RNF220: variants seen among roughly 807,000 people sequenced by gnomAD.
RNF220 encodes E3 ubiquitin-protein ligase RNF220.
RNF220 carries 7 observed loss-of-function variants against 67.1 expected under a neutral mutation model. The observed-to-expected ratio is 0.10, with a 90% CI of 0.06 to 0.20. The LOEUF (loss-of-function observed/expected upper bound fraction) is 0.20. Ranked by LOEUF, RNF220 falls within the 10% of genes least tolerant of loss-of-function variation. The pLI is 1.00. For synonymous variants in RNF220, 270 were observed against 283.2 expected, an observed-to-expected ratio of 0.95 and a Z score of 0.47; for missense variants, 565 against 740.3, an observed-to-expected ratio of 0.76 and a Z score of 2.75.
intron 5 of RNF220, chr1:44,632,008 C>T (rs1295400443): frequency 2.0e-6 from 2 of 1,024,758 alleles, no homozygotes; most frequent in African/African-American, 1.7e-5. Context: ...AGCTGAAGTG[C>T]CGCCGCCGCC....
At chr1:44,504,412 G>C (rs1271394817) in intron 2 of RNF220, among the ~76,000 whole-genome samples, 1 of 152,168 alleles carries the variant, frequency 6.6e-6, no homozygotes, top group Non-Finnish European at 1.5e-5. Flanking sequence ...TGGGATGTCT[G>C]GGCCCTGACC....
intron 2 of RNF220, among the ~76,000 whole-genome samples, chr1:44,456,611 T>G (rs1170660763): frequency 6.6e-6 from 1 of 152,144 alleles, no homozygotes; most frequent in Non-Finnish European, 1.5e-5. Flanking sequence ...TAGGAGCACA[T>G]GGGGTCAAGG....
intron 1 of RNF220, among the ~76,000 whole-genome samples, chr1:44,406,114 C>G (rs890918335): frequency 1.3e-5 from 2 of 152,192 alleles, no homozygotes; most frequent in Non-Finnish European, 2.9e-5. Context: ...ACTACCCCGA[C>G]AGCCTCCACC....
intron 2 of RNF220, among the ~76,000 whole-genome samples, chr1:44,545,251 G>C (rs1205312596): frequency 2.0e-5 from 3 of 152,178 alleles, no homozygotes; most frequent in Non-Finnish European, 4.4e-5. Flanking sequence ...GGGACATCTG[G>C]TACCTTCGGT....
chr1:44,460,710 A>G (rs1302816226), intron 2 of RNF220, among the ~76,000 whole-genome samples: 1 of 152,164 alleles, frequency 6.6e-6, no homozygotes, highest in African/African-American at 2.4e-5. Context: ...CCTCTGCTAG[A>G]CTTTGGGTCC....
Position 44,493,990 on chromosome 1 carries a change from T to A in RNF220, c.625+81268T>A, listed in dbSNP as rs141859182. 2.0e-4 allele frequency among the ~76,000 whole-genome samples: 30 copies of A among 152,184 alleles called. No individual in the cohort carries two copies. The East Asian group carries it at 4.2e-3, about 22-fold the overall frequency. On this transcript the variant is annotated intron_variant, in intron 2 of 14. Coordinates refer to ENST00000361799, the MANE Select transcript of RNF220 (RefSeq NM_018150.4). ...AGGAGGCCAAGGCTGGTGGATGACT[T>A]CAGGTCAGGAGTTCGAGACCAGCCT... is the stretch of plus-strand genomic sequence containing the variant.
chr1:44,456,124 C>T (rs911735957), intron 2 of RNF220, among the ~76,000 whole-genome samples: 1 of 152,116 alleles, frequency 6.6e-6, no homozygotes, highest in Non-Finnish European at 1.5e-5. Flanking sequence ...TACACAAAAG[C>T]CATTGGGTAA....
Position 44,435,942 on chromosome 1 carries a change from A to T in RNF220, c.625+23220A>T, listed in dbSNP as rs903254834. ...ATATCAAAAAAAAGAAAAAAGAGGA[A>T]AAAAAAAATGGAAGAAACCTTTGGA... is the stretch of plus-strand genomic sequence containing the variant. On this transcript the variant is annotated intron_variant, in intron 2 of 14. Coordinates refer to ENST00000361799, the MANE Select transcript of RNF220 (RefSeq NM_018150.4). 5.3e-5 allele frequency among the ~76,000 whole-genome samples: 8 copies of T among 150,932 alleles called. No individual in the cohort carries two copies. The South Asian group carries it at 1.0e-3, about 20-fold the overall frequency.
intron 2 of RNF220, among the ~76,000 whole-genome samples, chr1:44,492,632 A>C (rs1656954303): frequency 6.6e-6 from 1 of 152,264 alleles, no homozygotes; most frequent in Admixed American, 6.5e-5. Flanking sequence ...AGAACGTTGA[A>C]TACATCATGC....
Position 44,649,705 on chromosome 1 carries a change from C to T in RNF220, c.1490C>T (p.Ala497Val). 6.2e-7 allele frequency: 1 copy of T among 1,613,998 alleles called. No individual in the cohort carries two copies. Among genetic ancestry groups the T allele is most frequent in the South Asian group, 1.1e-5 (1 of 91,082 alleles). Residue 497 changes from alanine to valine, a missense_variant, in exon 13 of 15, where the codon GCT becomes GTT. Ala to Val is a moderately conservative substitution (Grantham distance 64). Coordinates refer to ENST00000361799, the MANE Select transcript of RNF220 (RefSeq NM_018150.4). The surrounding 1 kb of genome is among the most constrained non-coding windows in gnomAD (Gnocchi z 5.9). The stretch of plus-strand genomic sequence containing the variant: ...GTGACCACGTTTGAGGCTCTGAAGG[C>T]TCGGGTCAGAGAACTTGAACGGCAG... ...SAVTTFEALK[A>V]RVRELERQLS...
At chr1:44,406,544 A>C (rs1647349041) in intron 1 of RNF220, among the ~76,000 whole-genome samples, 1 of 152,254 alleles carries the variant, frequency 6.6e-6, no homozygotes. Flanking sequence ...TTCTGACTTA[A>C]GAACAAAACT....
intron 1 of RNF220, among the ~76,000 whole-genome samples, chr1:44,409,223 T>C (rs1264195736): frequency 6.7e-6 from 1 of 150,056 alleles, no homozygotes; most frequent in Non-Finnish European, 1.5e-5. Context: ...GATACGGAAC[T>C]GAACCAAACC....
At chr1:44,509,448 G>T (rs1194396118) in intron 2 of RNF220, among the ~76,000 whole-genome samples, 1 of 151,982 alleles carries the variant, frequency 6.6e-6, no homozygotes. Flanking sequence ...TACTTGGAAG[G>T]CTGAGGCAGG....
intron 2 of RNF220, among the ~76,000 whole-genome samples, chr1:44,488,604 C>T (rs1375149159): frequency 1.3e-5 from 2 of 152,226 alleles, no homozygotes; most frequent in East Asian, 3.8e-4. Context: ...CGTGGGCCAC[C>T]ATACCCAGCC....
Position 44,621,483 on chromosome 1 carries a change from G to GTA in RNF220, c.759-1258_759-1257dup, listed in dbSNP as rs1573077321. Among the ~76,000 whole-genome samples, 1 of 152,142 alleles carries GTA rather than the reference G, an allele frequency of 6.6e-6. No homozygotes were observed. Among genetic ancestry groups the GTA allele is most frequent in the East Asian group, 1.9e-4 (1 of 5,198 alleles). ...AACATCCTCTACCTACTCCATGCCA[G>GTA]TAGCAACCTCCCCTCCCTCCGCTCA... is the stretch of plus-strand genomic sequence containing the variant. On this transcript the variant is annotated intron_variant, in intron 3 of 14. Transcript: ENST00000361799. The surrounding 1 kb of genome is among the most constrained non-coding windows in gnomAD (Gnocchi z 4.8).
intron 2 of RNF220, among the ~76,000 whole-genome samples, chr1:44,534,185 G>T (rs1661034496): frequency 6.6e-6 from 1 of 152,032 alleles, no homozygotes; most frequent in South Asian, 2.1e-4. Flanking sequence ...TCGCTATGTT[G>T]GCCAGGCTGG....
At chr1:44,443,960 G>T in intron 2 of RNF220, among the ~76,000 whole-genome samples, 1 of 152,124 alleles carries the variant, frequency 6.6e-6, no homozygotes, top group South Asian at 2.1e-4. Context: ...ACATGTTGGC[G>T]CATGCCTGTA....
In RNF220 at chr1:44,556,366, C is replaced by T. The variant is rs564393499; in HGVS notation, c.626-57799C>T. 5.3e-5 allele frequency among the ~76,000 whole-genome samples: 8 copies of T among 150,692 alleles called. 1 individual carries two copies. Among genetic ancestry groups the T allele is most frequent in the African/African-American group, 9.9e-5 (4 of 40,336 alleles). The stretch of plus-strand genomic sequence containing the variant: ...CTTCTTAAAGAAAGGTAGTGTATTT[C>T]CTTAGCTTTAGCACAGTGCCTGGCA... On this transcript the variant is annotated intron_variant, in intron 2 of 14. Coordinates refer to ENST00000361799, the MANE Select transcript of RNF220 (RefSeq NM_018150.4).
intron 2 of RNF220, among the ~76,000 whole-genome samples, chr1:44,523,971 G>A (rs1277576228): frequency 1.3e-5 from 2 of 152,316 alleles, no homozygotes; most frequent in African/African-American, 4.8e-5. Context: ...CAAGAGCAGC[G>A]GCATTGTGAG....
Sources: gnomAD v4.1 joint callset for allele counts (sites outside exome capture counted in the v4.1 genomes callset) on GRCh38, gnomAD v4.1.1 for gene constraint, Gnocchi (gnomAD v3.1) non-coding constraint, MANE v1.5 for transcripts, NCBI Gene and HGNC (gene_info 2026-07-23, HGNC 2026-07-21) for gene names.